Variants in SLC26A3 observed in about 807,000 individuals in gnomAD.
The protein encoded by SLC26A3 is chloride anion exchanger.
In SLC26A3, 64 loss-of-function variants were observed where a neutral mutation model predicts 85.6. The ratio of observed to expected loss-of-function variants is 0.75; its 90% CI spans 0.61 to 0.92. The LOEUF (loss-of-function observed/expected upper bound fraction) is 0.92. Ranked by LOEUF, SLC26A3 falls within the 40% of genes least tolerant of loss-of-function variation. The pLI, the probability that SLC26A3 is intolerant of heterozygous loss-of-function variation, is 0.00. For missense variants in SLC26A3, 922 were observed against 927.3 expected, an observed-to-expected ratio of 0.99 and a Z score of 0.07; for synonymous variants, 349 against 336.0, an observed-to-expected ratio of 1.04 and a Z score of -0.42.
chr7:107,786,878 C>T lies in SLC26A3; in HGVS notation c.920G>A (p.Cys307Tyr). 2 of 1,614,112 alleles carry T rather than the reference C, an allele frequency of 1.2e-6. No homozygotes were observed. Among genetic ancestry groups the T allele is most frequent in the Non-Finnish European group, 1.7e-6 (2 of 1,180,016 alleles). ...CACTTTAAACCTGTTTTTAAAGTCA[C>T]AGCCGTAGGATACACCTGCTGCAAT... ...TVIAAGVSYG[C>Y]DFKNRFKVAV... The change falls in exon 8 of 21, where the codon TGT becomes TAT. Residue 307 changes from cysteine (C) to tyrosine (Y), a missense_variant. Transcript: ENST00000340010.
chr7:107,795,433 A>G (rs1440199384), intron 1 of SLC26A3, among the ~76,000 whole-genome samples: 1 of 152,224 alleles, frequency 6.6e-6, no homozygotes, highest in African/African-American at 2.4e-5. Context: ...TGCTTAAAAG[A>G]TCAATTTGAC....
chr7:107,778,799 G>A (rs143666206), intron 12 of SLC26A3, among the ~76,000 whole-genome samples: 390 of 152,100 alleles, frequency 2.6e-3, no homozygotes, highest in African/African-American at 8.9e-3. Flanking sequence ...AGACTAGCCT[G>A]GGCAACATAG....
chr7:107,800,595 G>T (rs560046303), intron 1 of SLC26A3, among the ~76,000 whole-genome samples: 1 of 152,330 alleles, frequency 6.6e-6, no homozygotes, highest in Non-Finnish European at 1.5e-5. Context: ...TTTCCCAAGG[G>T]CAAGGCCCAA....
At position 107,774,045 on chromosome 7, in the gene SLC26A3, G is replaced by C. The variant is rs369667941; in HGVS notation, c.1882C>G (p.His628Asp). 2.1e-5 allele frequency: 34 copies of C among 1,614,120 alleles called. No homozygotes were observed. The highest frequency in any genetic ancestry group is 2.8e-5 in the Non-Finnish European group (33 of 1,179,966). Residue 628 changes from histidine to aspartate, a missense_variant, in exon 17 of 21, where the codon CAC becomes GAC. Physicochemically the swap from His to Asp is moderately conservative, Grantham distance 81 (BLOSUM62 -1). Coordinates refer to ENST00000340010, the MANE Select transcript of SLC26A3 (RefSeq NM_000111.3). ...QPINTTDLPF[H>D]IDWNDDLPLN... is the part of the protein sequence containing the mutation. ...GGAAGATCATCATTCCAGTCAATGT[G>C]GAAAGGCAGGTCTGTGGTATTGATT... is the stretch of plus-strand genomic sequence containing the variant.
intron 15 of SLC26A3, 84 bp downstream of exon 15, chr7:107,776,368 C>G (rs538615652): frequency 8.6e-7 from 1 of 1,158,148 alleles, no homozygotes; most frequent in African/African-American, 1.5e-5. Flanking sequence ...ACAACCCAGT[C>G]TCAACAATGA....
chr7:107,787,932 G>C (rs1268360666), intron 6 of SLC26A3, among the ~76,000 whole-genome samples: 1 of 152,154 alleles, frequency 6.6e-6, no homozygotes, highest in Non-Finnish European at 1.5e-5. Flanking sequence ...CTCAATTCCT[G>C]GCCCTCTTGG....
At chr7:107,802,340 T>C (rs1002217121) in intron 1 of SLC26A3, among the ~76,000 whole-genome samples, 1 of 152,052 alleles carries the variant, frequency 6.6e-6, no homozygotes, top group Non-Finnish European at 1.5e-5. Flanking sequence ...TGTATTATAT[T>C]ATATTATACT....
Position 107,792,045 on chromosome 7 carries a change from C to T in SLC26A3, c.272-105G>A, listed in dbSNP as rs1315694688. 5.6e-6 allele frequency: 4 copies of T among 712,434 alleles called. No individual in the cohort carries two copies. In the African/African-American group the frequency reaches 7.0e-5, roughly 13 times the overall value. The allele number at this position is 712,434 out of a possible 1,614,324, so 44.1% of individuals were successfully genotyped here. On this transcript the variant is annotated intron_variant, in intron 3 of 20. Coordinates refer to ENST00000340010, the MANE Select transcript of SLC26A3 (RefSeq NM_000111.3). ...AGAATTGGATCCTAAAAATAAGTTA[C>T]CTCATTAATTCAAAATGTATTAAAG...
At chr7:107,780,985 C>G (rs1794206928) in intron 11 of SLC26A3, among the ~76,000 whole-genome samples, 2 of 152,110 alleles carry the variant, frequency 1.3e-5, no homozygotes, top group Admixed American at 6.5e-5. Flanking sequence ...TTTTAATTCT[C>G]TAAGTATAAA....
intron 1 of SLC26A3, among the ~76,000 whole-genome samples, chr7:107,796,982 A>T (rs750597197): frequency 1.3e-5 from 2 of 151,746 alleles, no homozygotes; most frequent in Non-Finnish European, 2.9e-5. Context: ...TTTTATTTTA[A>T]TTTTTTTTGC....
chr7:107,801,925 C>CAA (rs11356401), intron 1 of SLC26A3, among the ~76,000 whole-genome samples: 4,291 of 91,164 alleles, frequency 0.047, 271 homozygotes, highest in African/African-American at 0.14. Context: ...ACTGAAAATA[C>CAA]AAAAAAAAAA....
Position 107,786,243 on chromosome 7 carries a change from G to A in SLC26A3, c.971+584C>T, listed in dbSNP as rs541945994. 2.0e-4 allele frequency among the ~76,000 whole-genome samples: 31 copies of A among 152,252 alleles called. No homozygotes were observed. In the South Asian group the frequency reaches 6.2e-3, roughly 31 times the overall value. On this transcript the variant is annotated intron_variant, in intron 8 of 20. Coordinates refer to ENST00000340010, the MANE Select transcript of SLC26A3 (RefSeq NM_000111.3). ...TACATATTGTTTATAGTAATTTATG[G>A]ACAAGGAAATCTGGTTTCACTTGAT...
In SLC26A3 at chr7:107,765,612, T is replaced by C. The variant is rs1480326259; in HGVS notation, c.*243A>G. On this transcript the variant is annotated 3_prime_UTR_variant, in exon 21 of 21. Transcript: ENST00000340010. ...GAAATCTGTCAGTGCTACAAAAATA[T>C]GTATGAACAAAATAATTTTCACCCT... 2 of 470,944 alleles carry C rather than the reference T, an allele frequency of 4.2e-6. No homozygotes were observed. The highest frequency in any genetic ancestry group is 7.6e-6 in the Non-Finnish European group (2 of 263,960). The allele number at this position is 470,944 out of a possible 1,614,324, so 29.2% of individuals were successfully genotyped here. A position where few individuals can be genotyped will look rare whatever the true frequency, so the allele number is the denominator to read the frequency against.
chr7:107,767,926 G>GT lies in SLC26A3; in HGVS notation c.2063-19dup. 6.2e-7 allele frequency: 1 copy of GT among 1,611,920 alleles called. No individual in the cohort carries two copies. The highest frequency in any genetic ancestry group is 8.5e-7 in the Non-Finnish European group (1 of 1,178,546). On this transcript the variant is annotated intron_variant, in intron 18 of 20. Transcript: ENST00000340010. ...GAAGTCATCTGAAGAGAAAAAAACA[G>GT]TAACTTTTAGGAAGAAACAATTGTT...
chr7:107,791,359 C>T, intron 4 of SLC26A3, 124 bp from the exon 5 acceptor site: 1 of 1,063,338 alleles, frequency 9.4e-7, no homozygotes, highest in Non-Finnish European at 1.5e-6. Flanking sequence ...CGCCTGTAAT[C>T]CCAGCACTTT....
rs145962719 is a variant in SLC26A3, at chr7:107,789,548, G to C, written c.711C>G (p.His237Gln). The C allele has an allele frequency of 3.9e-4, 629 of 1,613,960 alleles. 1 individual carries two copies. Among genetic ancestry groups the C allele is most frequent in the Non-Finnish European group, 5.0e-4 (595 of 1,179,990 alleles). The change falls in exon 6 of 21, where the codon CAC (histidine) becomes CAG (glutamine). Residue 237 changes from histidine (H) to glutamine (Q), a missense_variant. His to Gln is a conservative substitution (Grantham distance 24). Coordinates refer to ENST00000340010, the MANE Select transcript of SLC26A3 (RefSeq NM_000111.3). ...CTTTGAAAATTGAAACTGGATCAGTGTGTGACGGGACTGTCAACTGAAAAA... is the reference window on the plus strand; with the variant it reads ...CTTTGAAAATTGAAACTGGATCAGTCTGTGACGGGACTGTCAACTGAAAAA... ...KFIFQLTVPS[H>Q]TDPVSIFKVL... is the part of the protein sequence containing the mutation.
chr7:107,798,092 T>C (rs1416074368), intron 1 of SLC26A3, among the ~76,000 whole-genome samples: 1 of 152,100 alleles, frequency 6.6e-6, no homozygotes, highest in Admixed American at 6.6e-5. Flanking sequence ...ATATTTCCAC[T>C]TTTATTTGCT....
chr7:107,792,375 A>T (rs1372831162), intron 3 of SLC26A3, among the ~76,000 whole-genome samples: 1 of 150,566 alleles, frequency 6.6e-6, no homozygotes, highest in African/African-American at 2.5e-5. Flanking sequence ...AATCAGTGGG[A>T]GCCCTGAGCT....
intron 18 of SLC26A3, among the ~76,000 whole-genome samples, chr7:107,770,973 T>C (rs909170574): frequency 1.3e-5 from 2 of 152,140 alleles, no homozygotes; most frequent in African/African-American, 4.8e-5. Context: ...AAGGCTTCTT[T>C]CAGAAAATGG....
Sources: gnomAD v4.1 joint callset for allele counts (sites outside exome capture counted in the v4.1 genomes callset) on GRCh38, gnomAD v4.1.1 for gene constraint, MANE v1.5 for transcripts, NCBI Gene and HGNC (gene_info 2026-07-23, HGNC 2026-07-21) for gene names.